Variants in WWOX observed in about 807,000 individuals in gnomAD.
WWOX encodes the protein WW domain-containing oxidoreductase.
Under a neutral mutation model 46.2 loss-of-function variants are expected in WWOX, and 69 were observed. The ratio of observed to expected loss-of-function variants is 1.49; its 90% confidence interval spans 1.23 to 1.82. WWOX has a LOEUF of 1.82. Ranked by LOEUF, WWOX falls within the 40% of genes most tolerant of loss-of-function variation. WWOX has a pLI of 0.00. For synonymous variants in WWOX, 359 were observed against 202.6 expected (o/e 1.77, Z -6.56); for missense variants, 919 against 542.6 (o/e 1.69, Z -6.89).
At chr16:78,960,671 G>A (rs1413733462) in intron 8 of WWOX, among the ~76,000 whole-genome samples, 1 of 152,134 alleles carries the variant, frequency 6.6e-6, no homozygotes, top group Non-Finnish European at 1.5e-5. Flanking sequence ...GAGCCATCAG[G>A]GACAATAGGT....
At chr16:78,951,391 A>G (rs992041759) in intron 8 of WWOX, among the ~76,000 whole-genome samples, 2 of 152,134 alleles carry the variant, frequency 1.3e-5, no homozygotes, top group African/African-American at 4.8e-5. Flanking sequence ...AGTGGGTCAC[A>G]TGTAAATCAT....
intron 8 of WWOX, among the ~76,000 whole-genome samples, chr16:78,665,231 C>T (rs1031897926): frequency 6.6e-6 from 1 of 152,138 alleles, no homozygotes; most frequent in African/African-American, 2.4e-5. Flanking sequence ...GAGTCACGGG[C>T]TGAATTCCGG....
At chr16:78,448,563 G>A (rs536512187) in intron 8 of WWOX, among the ~76,000 whole-genome samples, 56 of 152,204 alleles carry the variant, frequency 3.7e-4, no homozygotes, top group African/African-American at 1.3e-3. Context: ...AAAACCGAAA[G>A]TAGTGTCAAG....
chr16:78,948,011 G>A (rs1037823956), intron 8 of WWOX, among the ~76,000 whole-genome samples: 1 of 152,204 alleles, frequency 6.6e-6, no homozygotes, highest in African/African-American at 2.4e-5. Flanking sequence ...GAGGGAGGAA[G>A]GGTGGGACGA....
chr16:78,916,308 G>C (rs1167448452), intron 8 of WWOX, among the ~76,000 whole-genome samples: 1 of 152,084 alleles, frequency 6.6e-6, no homozygotes, highest in Non-Finnish European at 1.5e-5. Flanking sequence ...GTTTCAGAGG[G>C]GTTTCCTTTA....
At chr16:78,748,257 A>C (rs2049396665) in intron 8 of WWOX, among the ~76,000 whole-genome samples, 1 of 152,198 alleles carries the variant, frequency 6.6e-6, no homozygotes, top group Non-Finnish European at 1.5e-5. Context: ...CTTGTCTACC[A>C]CAGATAGCTC....
At chr16:78,518,875 C>A (rs1276062561) in intron 8 of WWOX, among the ~76,000 whole-genome samples, 1 of 152,192 alleles carries the variant, frequency 6.6e-6, no homozygotes, top group Non-Finnish European at 1.5e-5. Flanking sequence ...TAACCTGCGA[C>A]ATCCACATGT....
intron 8 of WWOX, among the ~76,000 whole-genome samples, chr16:78,523,838 G>A (rs997389726): frequency 6.6e-6 from 1 of 152,190 alleles, no homozygotes; most frequent in African/African-American, 2.4e-5. Context: ...CAGGCTCTCA[G>A]GGGAGGCCCA....
At chr16:78,743,047 G>C (rs765773508) in intron 8 of WWOX, among the ~76,000 whole-genome samples, 9 of 152,002 alleles carry the variant, frequency 5.9e-5, no homozygotes, top group Non-Finnish European at 1.2e-4. Context: ...TTAGGTGTCT[G>C]CCGTGCTCAT....
At chr16:78,175,681 A>G (rs996401483) in intron 5 of WWOX, among the ~76,000 whole-genome samples, 1 of 152,190 alleles carries the variant, frequency 6.6e-6, no homozygotes, top group Non-Finnish European at 1.5e-5. Context: ...GATTCATGTC[A>G]TGAGAGATCC....
At chr16:79,184,397 C>T (rs1259244285) in intron 8 of WWOX, among the ~76,000 whole-genome samples, 1 of 152,182 alleles carries the variant, frequency 6.6e-6, no homozygotes, top group African/African-American at 2.4e-5. Context: ...GGGGCAGAGA[C>T]CTGGAATAAT....
At chr16:79,200,405 C>T (rs550324170) in intron 8 of WWOX, among the ~76,000 whole-genome samples, 3 of 152,254 alleles carry the variant, frequency 2.0e-5, no homozygotes, top group Admixed American at 6.5e-5. Context: ...GAACATTACA[C>T]GTCAACAAGA....
At chr16:78,954,027 T>A (rs1189544006) in intron 8 of WWOX, among the ~76,000 whole-genome samples, 3 of 152,212 alleles carry the variant, frequency 2.0e-5, no homozygotes, top group African/African-American at 7.2e-5. Context: ...ATAGGTTATT[T>A]CTCCTCTTCC....
rs533455277 is a variant in WWOX at position 78,158,335 on chromosome 16, A to C, written c.410-5848A>C. 3.9e-5 allele frequency among the ~76,000 whole-genome samples: 6 copies of C among 152,292 alleles called. No homozygotes were observed. In the South Asian group the frequency reaches 1.2e-3, roughly 32 times the overall value. ...TTGCATAGCTGCCTTCTCTAGTAGA[A>C]TTGACTACTTTGTTATTGTACTGTA... On this transcript the variant is annotated intron_variant, in intron 4 of 8. Transcript: ENST00000566780.
chr16:78,118,459 A>G (rs554876604), intron 4 of WWOX, among the ~76,000 whole-genome samples: 135 of 152,278 alleles, frequency 8.9e-4, no homozygotes, highest in African/African-American at 3.2e-3. Flanking sequence ...GAGATGAACA[A>G]ACTGCCATCT....
intron 8 of WWOX, among the ~76,000 whole-genome samples, chr16:78,742,833 A>G (rs2049261885): frequency 6.6e-6 from 1 of 152,182 alleles, no homozygotes; most frequent in South Asian, 2.1e-4. Context: ...TGTCCAGTGA[A>G]CAGCCATTGC....
intron 8 of WWOX, among the ~76,000 whole-genome samples, chr16:78,775,813 G>A (rs566904483): frequency 2.6e-5 from 4 of 152,180 alleles, no homozygotes; most frequent in South Asian, 4.2e-4. Flanking sequence ...CACTACTTTC[G>A]ACTGAATCTA....
intron 8 of WWOX, among the ~76,000 whole-genome samples, chr16:78,742,221 C>A (rs2049245986): frequency 6.6e-6 from 1 of 152,094 alleles, no homozygotes; most frequent in South Asian, 2.1e-4. Context: ...GGTGAGTGTG[C>A]TCAAAACTTA....
intron 8 of WWOX, among the ~76,000 whole-genome samples, chr16:79,040,803 C>T (rs539904407): frequency 4.6e-5 from 7 of 152,020 alleles, no homozygotes; most frequent in African/African-American, 9.6e-5. Context: ...TGTCCTTGTC[C>T]GGAGAGCTCG....
Sources: gnomAD v4.1 joint callset for allele counts (sites outside exome capture counted in the v4.1 genomes callset) on GRCh38, gnomAD v4.1.1 for gene constraint, MANE v1.5 for transcripts, NCBI Gene and HGNC (gene_info 2026-07-23, HGNC 2026-07-21) for gene names.